The following FAM76A variants were observed in gnomAD, a reference collection of about 807,000 sequenced individuals.
FAM76A encodes the protein protein FAM76A.
In FAM76A, 32 loss-of-function variants were observed where a neutral mutation model predicts 46.2. The observed-to-expected ratio is 0.69, with a 90% CI of 0.52 to 0.93. FAM76A has a LOEUF of 0.93. Ranked by LOEUF, FAM76A falls within the 40% of genes least tolerant of loss-of-function variation. FAM76A has a pLI of 0.00. For synonymous variants in FAM76A, 137 were observed against 127.0 expected (o/e 1.08, Z -0.53); for missense variants, 274 against 361.5 (o/e 0.76, Z 1.96).
intron 4 of FAM76A, among the ~76,000 whole-genome samples, chr1:27,743,195 G>A (rs1460130626): frequency 3.9e-5 from 6 of 152,126 alleles, no homozygotes; most frequent in African/African-American, 9.7e-5. Context: ...CTGTCACCAA[G>A]ACTGTAGTAC....
chr1:27,748,941 C>G, intron 5 of FAM76A, 127 bp from the exon 6 acceptor site: 1 of 578,506 alleles, frequency 1.7e-6, no homozygotes, highest in Non-Finnish European at 3.0e-6. Flanking sequence ...CTTTATTAAT[C>G]AAGAATTATT....
intron 4 of FAM76A, among the ~76,000 whole-genome samples, chr1:27,738,184 A>T (rs1309345496): frequency 6.6e-6 from 1 of 151,970 alleles, no homozygotes; most frequent in East Asian, 1.9e-4. Flanking sequence ...ACATAGTGAG[A>T]CTTTGTCTCT....
intron 7 of FAM76A, among the ~76,000 whole-genome samples, chr1:27,757,521 C>T (rs2088431777): frequency 6.6e-6 from 1 of 152,144 alleles, no homozygotes; most frequent in South Asian, 2.1e-4. Context: ...GCATGTGGCA[C>T]CACAGCCAGC....
Position 27,740,634 on chromosome 1 carries a change from A to G in FAM76A, c.355-4020A>G, listed in dbSNP as rs2088135707. 8 of 610,194 alleles carry G rather than the reference A, an allele frequency of 1.3e-5. No individual in the cohort carries two copies. The Admixed American group carries it at 2.3e-4, about 17-fold the overall frequency. The allele number at this position is 610,194 out of a possible 1,614,324, so 37.8% of individuals were successfully genotyped here. On this transcript the variant is annotated intron_variant, in intron 4 of 8. Transcript: ENST00000373954. ...AAACATTCTCTTGATCAGTGAGACC[A>G]CAAGGAGCCCAATGTTGCTGCTCGT... is the stretch of plus-strand genomic sequence containing the variant.
intron 8 of FAM76A, 130 bp downstream of exon 8, chr1:27,759,757 C>T: frequency 7.6e-6 from 5 of 657,460 alleles, no homozygotes; most frequent in Admixed American, 3.3e-5. Context: ...ATGTTAATCC[C>T]CCTTTTAGGT....
In FAM76A at chr1:27,759,779, G is replaced by GTTTTTTTTTTGTTT. The variant is rs1553179889; in HGVS notation, c.837+163_837+164insTTTTTTTTTTTTTG. ...TCCCCCTTTTAGGTTTTTTTTTTTT[G>GTTTTTTTTTTGTTT]TTTTTTTTTTGAGACAGGTTCTCTG... On this transcript the variant is annotated intron_variant, in intron 8 of 8. Transcript: ENST00000373954. 1.4e-5 allele frequency: 5 copies of GTTTTTTTTTTGTTT among 363,570 alleles called. No individual in the cohort carries two copies. The African/African-American group carries it at 1.7e-4, about 12-fold the overall frequency. 22.5% of individuals were successfully genotyped at this position (363,570 alleles called of 1,614,324 possible).
intron 6 of FAM76A, among the ~76,000 whole-genome samples, chr1:27,752,248 C>T (rs1181758607): frequency 6.6e-6 from 1 of 151,918 alleles, no homozygotes; most frequent in Non-Finnish European, 1.5e-5. Flanking sequence ...TTTGTTTATC[C>T]ATTAGCCTTC....
Position 27,760,738 on chromosome 1 carries a change from C to T in FAM76A, c.*157C>T. ...GCGATTGCAGTGGGCTGAATGGAAA[C>T]ACCTGGTTTGTGCTGTGTTAGACTG... On this transcript the variant is annotated 3_prime_UTR_variant, in exon 9 of 9. Transcript: ENST00000373954. The T allele has an allele frequency of 4.0e-6, 2 of 502,880 alleles. No homozygotes were observed. Among genetic ancestry groups the T allele is most frequent in the African/African-American group, 2.0e-5 (1 of 50,714 alleles). The allele number at this position is 502,880 out of a possible 1,614,324, so 31.2% of individuals were successfully genotyped here.
intron 4 of FAM76A, among the ~76,000 whole-genome samples, chr1:27,737,868 CAAAA>C (rs71571865): frequency 1.9e-4 from 12 of 62,720 alleles, no homozygotes; most frequent in East Asian, 6.1e-4. Context: ...ACAACAACAA[CAAAA>C]AAAAAAAAAA....
intron 6 of FAM76A, 115 bp downstream of exon 6, chr1:27,749,269 T>C (rs2088295761): frequency 1.7e-6 from 1 of 591,234 alleles, no homozygotes; most frequent in African/African-American, 1.9e-5. Context: ...GTGAATCTTA[T>C]AAGTAAGCAG....
chr1:27,757,944 T>C (rs2088442259), intron 7 of FAM76A, among the ~76,000 whole-genome samples: 1 of 149,826 alleles, frequency 6.7e-6, no homozygotes, highest in South Asian at 2.1e-4. Flanking sequence ...GCCACTGCAC[T>C]CCAGCCTGGG....
chr1:27,758,375 A>G (rs552072213), intron 7 of FAM76A, among the ~76,000 whole-genome samples: 1 of 152,350 alleles, frequency 6.6e-6, no homozygotes, highest in Admixed American at 6.5e-5. Context: ...ATGACTGTCA[A>G]GTGAAAATGG....
At chr1:27,734,614 T>A (rs567055243) in intron 4 of FAM76A, among the ~76,000 whole-genome samples, 63 of 152,328 alleles carry the variant, frequency 4.1e-4, no homozygotes, top group African/African-American at 1.4e-3. Flanking sequence ...CTGGTTCTAT[T>A]ATTGACCTTA....
chr1:27,748,765 G>C (rs1321840318), intron 5 of FAM76A, among the ~76,000 whole-genome samples: 1 of 152,216 alleles, frequency 6.6e-6, no homozygotes, highest in East Asian at 1.9e-4. Context: ...ACAGGCGTGA[G>C]CCACCGCACC....
At position 27,732,528 on chromosome 1, in the gene FAM76A, A is replaced by C. The variant is rs143010127; in HGVS notation, c.147-75A>C. 1.6e-5 allele frequency: 22 copies of C among 1,377,440 alleles called. No individual in the cohort carries two copies. The African/African-American group carries it at 2.7e-4, about 17-fold the overall frequency. 85.3% of individuals were successfully genotyped at this position (1,377,440 alleles called of 1,614,324 possible). On this transcript the variant is annotated intron_variant, in intron 2 of 8. Transcript: ENST00000373954. ...CTCACTTTGGCCCTTAGCAATGAGC[A>C]AATTCCTTGGGCTTAAGGAGGTATC...
At chr1:27,731,026 A>G (rs1404970507) in intron 2 of FAM76A, among the ~76,000 whole-genome samples, 1 of 152,052 alleles carries the variant, frequency 6.6e-6, no homozygotes, top group African/African-American at 2.4e-5. Context: ...GTTCTTACAC[A>G]TAAGACATTC....
At chr1:27,738,890 G>T (rs1027472363) in intron 4 of FAM76A, among the ~76,000 whole-genome samples, 1 of 152,152 alleles carries the variant, frequency 6.6e-6, no homozygotes. Context: ...GCCATGGGAA[G>T]CTCTGGAGGA....
intron 4 of FAM76A, among the ~76,000 whole-genome samples, chr1:27,741,612 G>A (rs1458382549): frequency 6.6e-6 from 1 of 152,054 alleles, no homozygotes. Context: ...AGGCAACGGT[G>A]GCTTACACCT....
At chr1:27,730,205 A>G (rs187228800) in intron 2 of FAM76A, 2 of 216,854 alleles carry the variant, frequency 9.2e-6, no homozygotes, top group South Asian at 5.2e-5. Flanking sequence ...GTTGTTGTTG[A>G]GACAGAGTTT....
Sources: gnomAD v4.1 joint callset for allele counts (sites outside exome capture counted in the v4.1 genomes callset) on GRCh38, gnomAD v4.1.1 for gene constraint, MANE v1.5 for transcripts, NCBI Gene and HGNC (gene_info 2026-07-23, HGNC 2026-07-21) for gene names.